The following EZR variants were observed in gnomAD, a reference collection of about 807,000 sequenced individuals.
The protein encoded by EZR is ezrin, also known as cytovillin 2.
A neutral mutation model predicts 74.8 loss-of-function variants in EZR; 40 were observed. The ratio of observed to expected loss-of-function variants is 0.53; its 90% confidence interval spans 0.42 to 0.70. The LOEUF is 0.70. Ranked by LOEUF, EZR falls within the 30% of genes least tolerant of loss-of-function variation. EZR has a pLI of 0.00. For synonymous variants in EZR, 341 were observed against 283.3 expected (o/e 1.20, Z -2.05); for missense variants, 678 against 755.8 (o/e 0.90, Z 1.21).
At chr6:158,806,542 TCA>T (rs1189855718) in intron 2 of EZR, among the ~76,000 whole-genome samples, 5 of 151,416 alleles carry the variant, frequency 3.3e-5, no homozygotes, top group Admixed American at 3.3e-4. Flanking sequence ...TGTAAAAACT[TCA>T]GTATATTGCT....
Position 158,766,723 on chromosome 6 carries a change from A to G in EZR, c.*191T>C. On this transcript the variant is annotated 3_prime_UTR_variant, in exon 14 of 14. Transcript: ENST00000367075. ...GCGAGAATCAGGCCTGCTTGGCACTATTACAACTGGGGAAAACAAACCAGG... is the reference window on the plus strand; with the variant it reads ...GCGAGAATCAGGCCTGCTTGGCACTGTTACAACTGGGGAAAACAAACCAGG... 2 of 633,274 alleles carry G rather than the reference A, an allele frequency of 3.2e-6. No individual in the cohort carries two copies. Among genetic ancestry groups the G allele is most frequent in the Non-Finnish European group, 5.6e-6 (2 of 356,558 alleles). 39.2% of individuals were successfully genotyped at this position (633,274 alleles called of 1,614,324 possible).
rs1482646972 is a variant in EZR at position 158,766,252 on chromosome 6, A to T, written c.*662T>A. ...CTTGTATATAAATAGTATATAGCTG[A>T]TCATTAATAAGGTGTATAAGTACAA... On this transcript the variant is annotated 3_prime_UTR_variant, in exon 14 of 14. Transcript: ENST00000367075. The T allele has an allele frequency of 6.6e-6, 1 of 152,204 alleles. No homozygotes were observed. Among genetic ancestry groups the T allele is most frequent in the Non-Finnish European group, 1.5e-5 (1 of 68,026 alleles). The allele number at this position is 152,204 out of a possible 1,614,324, so 9.4% of individuals were successfully genotyped here. A position where few individuals can be genotyped will look rare whatever the true frequency, so the allele number is the denominator to read the frequency against.
rs189297773 is a variant in EZR, at chr6:158,801,316, T to C, written c.13-11945A>G. On this transcript the variant is annotated intron_variant, in intron 2 of 13. Transcript: ENST00000367075. ...TTTTGGTAGAGACGGGGTTTCACCA[T>C]GTTGCCAGCCAGGCTGGTCTTGAAC... Among the ~76,000 whole-genome samples, 43 of 152,262 alleles carry C rather than the reference T, an allele frequency of 2.8e-4. No homozygotes were observed. The East Asian group carries it at 6.2e-3, about 22-fold the overall frequency.
At chr6:158,786,250 T>G (rs941520726) in intron 4 of EZR, among the ~76,000 whole-genome samples, 2 of 152,106 alleles carry the variant, frequency 1.3e-5, no homozygotes, top group African/African-American at 4.8e-5. Context: ...GGCATGCAGC[T>G]GTAGTCCCAG....
chr6:158,817,076 C>G (rs1428563928), intron 2 of EZR, among the ~76,000 whole-genome samples: 2 of 152,132 alleles, frequency 1.3e-5, no homozygotes, highest in Non-Finnish European at 2.9e-5. Flanking sequence ...CAGAGAGAGA[C>G]TCCGCTCCCC....
At chr6:158,794,204 C>G (rs906488010) in intron 2 of EZR, among the ~76,000 whole-genome samples, 1 of 152,174 alleles carries the variant, frequency 6.6e-6, no homozygotes, top group Non-Finnish European at 1.5e-5. Flanking sequence ...TTGCTTGAAC[C>G]TGGGAGGCGG....
intron 5 of EZR, 71 bp from the exon 6 acceptor site, chr6:158,784,798 C>T (rs1791526544): frequency 4.0e-6 from 5 of 1,250,194 alleles, no homozygotes; most frequent in African/African-American, 1.5e-5. Flanking sequence ...GCCCACTTAC[C>T]ACCCACATTC....
At chr6:158,773,849 C>T (rs914771252) in intron 8 of EZR, among the ~76,000 whole-genome samples, 12 of 152,370 alleles carry the variant, frequency 7.9e-5, no homozygotes, top group East Asian at 5.8e-4. Flanking sequence ...AGGAACAAAA[C>T]GCCCTTTTGA....
chr6:158,797,703 C>G (rs1393203833), intron 2 of EZR, among the ~76,000 whole-genome samples: 1 of 152,212 alleles, frequency 6.6e-6, no homozygotes, highest in East Asian at 1.9e-4. Context: ...AAAATTCTTA[C>G]AACCAATGAT....
intron 2 of EZR, among the ~76,000 whole-genome samples, chr6:158,804,844 T>C (rs937866579): frequency 1.3e-5 from 2 of 151,252 alleles, no homozygotes; most frequent in African/African-American, 2.4e-5. Context: ...ACATGTGCCA[T>C]GCTGGTGCGC....
intron 8 of EZR, among the ~76,000 whole-genome samples, chr6:158,772,999 C>G (rs1230762104): frequency 3.3e-5 from 5 of 152,184 alleles, no homozygotes; most frequent in African/African-American, 1.2e-4. Context: ...GTTTCACACC[C>G]TTGCTGTTAA....
At chr6:158,809,819 G>GC (rs1252137756) in intron 2 of EZR, among the ~76,000 whole-genome samples, 3 of 152,156 alleles carry the variant, frequency 2.0e-5, no homozygotes, top group Admixed American at 6.5e-5. Context: ...GGTCTTACTT[G>GC]GAGTCCGTTG....
Position 158,767,241 on chromosome 6 carries a change from C to G in EZR, c.1596+20G>C. The G allele has an allele frequency of 6.2e-7, 1 of 1,601,274 alleles. No homozygotes were observed. The highest frequency in any genetic ancestry group is 8.5e-7 in the Non-Finnish European group (1 of 1,171,764). On this transcript the variant is annotated intron_variant, in intron 13 of 13. Transcript: ENST00000367075. ...AAAAGCGAGGCAGGCTCCCTGGAGACAGAGCCCCTTGGGCCTCACCAGCAG... is the reference window on the plus strand; with the variant it reads ...AAAAGCGAGGCAGGCTCCCTGGAGAGAGAGCCCCTTGGGCCTCACCAGCAG...
At chr6:158,816,392 G>C (rs970392997) in intron 2 of EZR, among the ~76,000 whole-genome samples, 22 of 152,154 alleles carry the variant, frequency 1.4e-4, no homozygotes, top group Admixed American at 2.6e-4. Context: ...AGAAAGAAAA[G>C]TAGTGACGGA....
intron 12 of EZR, among the ~76,000 whole-genome samples, chr6:158,768,792 G>A (rs1791001075): frequency 6.6e-6 from 1 of 152,190 alleles, no homozygotes; most frequent in Non-Finnish European, 1.5e-5. Context: ...ATTCTACAAT[G>A]AGGAAAATGA....
chr6:158,772,865 C>T (rs1408651423), intron 8 of EZR, among the ~76,000 whole-genome samples: 2 of 152,020 alleles, frequency 1.3e-5, no homozygotes, highest in Non-Finnish European at 1.5e-5. Flanking sequence ...TGAGCGGGCT[C>T]ATCAACACAT....
chr6:158,791,135 T>G (rs1316853769), intron 2 of EZR, among the ~76,000 whole-genome samples: 2 of 123,390 alleles, frequency 1.6e-5, no homozygotes, highest in Non-Finnish European at 3.4e-5. Flanking sequence ...TGAGAGATCC[T>G]CTAACATGCA....
intron 7 of EZR, among the ~76,000 whole-genome samples, chr6:158,778,184 G>A (rs1354720130): frequency 1.3e-5 from 2 of 152,170 alleles, no homozygotes; most frequent in Non-Finnish European, 2.9e-5. Context: ...AGCTCCGGAG[G>A]CTCCGCCCAC....
rs1790857752 is a variant in EZR at position 158,766,576 on chromosome 6, T to C, written c.*338A>G. The C allele has an allele frequency of 4.2e-6, 1 of 240,328 alleles. No homozygotes were observed. The highest frequency in any genetic ancestry group is 1.3e-3 in the Middle Eastern group (1 of 770). 14.9% of individuals were successfully genotyped at this position (240,328 alleles called of 1,614,324 possible). On this transcript the variant is annotated 3_prime_UTR_variant, in exon 14 of 14. Transcript: ENST00000367075. ...GGAAGTCCTGCCACGTTTCCTTTAA[T>C]GATGCTGACTCTTGTATCACACAGG...
Sources: gnomAD v4.1 joint callset for allele counts (sites outside exome capture counted in the v4.1 genomes callset) on GRCh38, gnomAD v4.1.1 for gene constraint, MANE v1.5 for transcripts, NCBI Gene and HGNC (gene_info 2026-07-23, HGNC 2026-07-21) for gene names.